LAMA1: variants seen among roughly 807,000 people sequenced by gnomAD.
LAMA1 encodes the protein laminin subunit alpha-1.
LAMA1 carries 219 observed loss-of-function variants against 348.7 expected under a neutral mutation model. That is an observed-to-expected ratio of 0.63 (90% CI 0.56 to 0.70). LAMA1 has a LOEUF of 0.70. LAMA1 is among the 30% of genes least tolerant of loss of function. The pLI is 0.00. For missense variants in LAMA1, 3,744 were observed against 3,888.0 expected (o/e 0.96, Z 0.99); for synonymous variants, 1,487 against 1,491.0 (o/e 1.00, Z 0.06).
intron 55 of LAMA1, among the ~76,000 whole-genome samples, chr18:6,958,211 T>C (rs1223166574): frequency 6.6e-6 from 1 of 152,170 alleles, no homozygotes; most frequent in Non-Finnish European, 1.5e-5. Flanking sequence ...CAAAAATATA[T>C]TAAAATCCCG....
chr18:7,085,653 C>A (rs903827110), intron 1 of LAMA1, among the ~76,000 whole-genome samples: 2 of 152,014 alleles, frequency 1.3e-5, no homozygotes, highest in Non-Finnish European at 2.9e-5. Context: ...CTCCTGACTT[C>A]CTGATCCGCC....
At chr18:7,025,404 C>T (rs1263627361) in intron 17 of LAMA1, among the ~76,000 whole-genome samples, 1 of 152,202 alleles carries the variant, frequency 6.6e-6, no homozygotes, top group African/African-American at 2.4e-5. Context: ...GGACACTGCT[C>T]TCCCTCCTCC....
intron 40 of LAMA1, among the ~76,000 whole-genome samples, chr18:6,982,816 G>T (rs905044917): frequency 6.6e-6 from 1 of 152,142 alleles, no homozygotes; most frequent in Non-Finnish European, 1.5e-5. Context: ...TTTCACCATG[G>T]TTATAGAAAA....
At chr18:7,078,879 C>T (rs540643046) in intron 3 of LAMA1, among the ~76,000 whole-genome samples, 62 of 152,088 alleles carry the variant, frequency 4.1e-4, no homozygotes, top group African/African-American at 1.3e-3. Context: ...CCCAGCTAAT[C>T]GGGAGGCTGA....
chr18:6,958,489 A>T lies in LAMA1; in HGVS notation c.7952T>A (p.Ile2651Asn), dbSNP rs1281852099. Residue 2651 changes from isoleucine to asparagine, a missense_variant, in exon 55 of 63, where the codon ATC becomes AAC. Ile to Asn is a moderately radical substitution (Grantham distance 149). This residue lies in a region of LAMA1 where 1,983 missense variants were observed against 1,934.3 expected (regional missense o/e 1.03). Transcript: ENST00000389658. ...CAGGTACACTTACTCCAAATTGAAG[A>T]TCAGGTTTTTGATACAGCCATGGAA... ...RSFHGCIKNL[I>N]FNLELLDFNS... The T allele has an allele frequency of 1.1e-5, 17 of 1,614,078 alleles. No individual in the cohort carries two copies. The highest frequency in any genetic ancestry group is 1.4e-5 in the Non-Finnish European group (16 of 1,180,050).
At chr18:7,089,272 G>A (rs192750168) in intron 1 of LAMA1, among the ~76,000 whole-genome samples, 6 of 152,156 alleles carry the variant, frequency 3.9e-5, no homozygotes, top group East Asian at 3.9e-4. Context: ...CCACCTAATC[G>A]GGAGATTGAG....
At chr18:6,983,048 A>G (rs758670189) in intron 40 of LAMA1, 51 bp downstream of exon 40, 1 of 1,613,430 alleles carries the variant, frequency 6.2e-7, no homozygotes, top group African/African-American at 1.3e-5. Context: ...CAAACCCGGT[A>G]CAGAAAAATC....
At chr18:6,997,528 G>A (rs1180158453) in intron 33 of LAMA1, among the ~76,000 whole-genome samples, 1 of 152,142 alleles carries the variant, frequency 6.6e-6, no homozygotes, top group African/African-American at 2.4e-5. Flanking sequence ...GATGAGAGCT[G>A]TCCCACCGTG....
Position 7,008,564 on chromosome 18 carries a change from A to G in LAMA1, c.4046T>C (p.Leu1349Pro). 3 of 1,614,128 alleles carry G rather than the reference A, an allele frequency of 1.9e-6. No homozygotes were observed. Among genetic ancestry groups the G allele is most frequent in the Non-Finnish European group, 2.5e-6 (3 of 1,179,996 alleles). Reference protein sequence around the residue: ...SMEVGRKAEKLHPEEEVASLL... With the variant: ...SMEVGRKAEKPHPEEEVASLL... ...AGATGCAACCTCTTCTTCTGGGTGC[A>G]GCTTTTCAGCCTTTCTGCCAACCTC... The change falls in exon 28 of 63, where the codon CTG becomes CCG. Residue 1349 changes from leucine (L) to proline (P), a missense_variant. Physicochemically the swap from Leu to Pro is moderately conservative, Grantham distance 98 (BLOSUM62 -3). Transcript: ENST00000389658.
chr18:7,055,620 A>G (rs2058078546), intron 3 of LAMA1, among the ~76,000 whole-genome samples: 1 of 152,072 alleles, frequency 6.6e-6, no homozygotes, highest in Non-Finnish European at 1.5e-5. Flanking sequence ...CACAGAATCA[A>G]TAAGGACTAA....
rs1015622991 is a variant in LAMA1, at chr18:6,958,584, A to G, written c.7857T>C (p.Asn2619=). 8 of 1,614,092 alleles carry G rather than the reference A, an allele frequency of 5.0e-6. No homozygotes were observed. Among genetic ancestry groups the G allele is most frequent in the Non-Finnish European group, 5.9e-6 (7 of 1,179,942 alleles). ...LGTLVESRTI[N]VSNLYVGGIP... is the part of the protein sequence containing the mutation. The stretch of plus-strand genomic sequence containing the variant: ...TTCCCCCGACGTACAGATTGGACAC[A>G]TTTATCGTCCTGCTTTCTACTAATG... Residue 2619 remains asparagine (N), a synonymous_variant, in exon 55 of 63, where the codon AAT becomes AAC. Coordinates refer to ENST00000389658, the MANE Select transcript of LAMA1 (RefSeq NM_005559.4).
intron 18 of LAMA1, among the ~76,000 whole-genome samples, chr18:7,023,993 C>A (rs904778601): frequency 3.3e-5 from 5 of 151,948 alleles, no homozygotes; most frequent in African/African-American, 1.2e-4. Flanking sequence ...CACCCGCCGT[C>A]ATGCCCGGCC....
intron 36 of LAMA1, among the ~76,000 whole-genome samples, chr18:6,991,370 A>AATAATTCC (rs2057757688): frequency 6.6e-6 from 1 of 151,164 alleles, no homozygotes; most frequent in Non-Finnish European, 1.5e-5. Flanking sequence ...TCTTTGACTA[A>AATAATTCC]ATAATTCCAC....
chr18:6,950,853 T>C lies in LAMA1; in HGVS notation c.8326A>G (p.Met2776Val). 3 of 1,614,112 alleles carry C rather than the reference T, an allele frequency of 1.9e-6. No homozygotes were observed. Among genetic ancestry groups the C allele is most frequent in the Non-Finnish European group, 2.5e-6 (3 of 1,180,018 alleles). ...GTTCTGCCTTTGCCAAGGTCAAACATGAAGTGGAGGCGGCCCCCGTGCAGC... is the reference window on the plus strand; with the variant it reads ...GTTCTGCCTTTGCCAAGGTCAAACACGAAGTGGAGGCGGCCCCCGTGCAGC... ...LQLHGGRLHF[M>V]FDLGKGRTKV... The change falls in exon 58 of 63, where the codon ATG (methionine) becomes GTG (valine). Residue 2776 changes from methionine to valine, a missense_variant. Physicochemically the swap from Met to Val is conservative, Grantham distance 21. Transcript: ENST00000389658.
intron 42 of LAMA1, among the ~76,000 whole-genome samples, chr18:6,980,096 C>T (rs2057704048): frequency 6.6e-6 from 1 of 152,174 alleles, no homozygotes; most frequent in South Asian, 2.1e-4. Context: ...GTTTTACTGC[C>T]TCACTGAGGA....
chr18:6,997,968 T>G (rs1230372055), intron 32 of LAMA1, 84 bp from the exon 33 acceptor site: 1 of 1,285,140 alleles, frequency 7.8e-7, no homozygotes, highest in Non-Finnish European at 1.1e-6. Context: ...GCAAGTTGTT[T>G]TGTGAAAATG....
chr18:7,034,053 T>A (rs910363912), intron 14 of LAMA1, among the ~76,000 whole-genome samples: 5 of 152,178 alleles, frequency 3.3e-5, no homozygotes, highest in Admixed American at 3.3e-4. Flanking sequence ...ATACAACTTT[T>A]ATGCTTGGCA....
At chr18:7,105,160 C>T (rs1449808138) in intron 1 of LAMA1, among the ~76,000 whole-genome samples, 1 of 151,994 alleles carries the variant, frequency 6.6e-6, no homozygotes, top group Admixed American at 6.6e-5. Context: ...AAGAGCAGAC[C>T]AGGCGCAGTG....
At chr18:7,046,005 G>C (rs1284532731) in intron 6 of LAMA1, among the ~76,000 whole-genome samples, 2 of 150,984 alleles carry the variant, frequency 1.3e-5, no homozygotes, top group African/African-American at 4.9e-5. Context: ...AATTAATAAG[G>C]CCACTGAACT....
Sources: allele counts gnomAD v4.1 joint callset (sites outside exome capture counted in the v4.1 genomes callset), GRCh38; gene constraint gnomAD v4.1.1; regional missense constraint gnomAD v4.1.1; transcripts MANE v1.5; gene names NCBI Gene and HGNC (gene_info 2026-07-23, HGNC 2026-07-21).